Variants in PFKFB3 observed in about 807,000 individuals in gnomAD.
PFKFB3 encodes 6-phosphofructo-2-kinase/fructose-2,6-bisphosphatase 3.
In PFKFB3, 33 loss-of-function variants were observed where a neutral mutation model predicts 68.0. The observed-to-expected ratio is 0.49, with a 90% CI of 0.37 to 0.65. PFKFB3 has a LOEUF of 0.65. Ranked by LOEUF, PFKFB3 falls within the 30% of genes least tolerant of loss-of-function variation. The pLI is 0.00. For missense variants in PFKFB3, 586 were observed against 712.2 expected (o/e 0.82, Z 2.02); for synonymous variants, 315 against 288.2 (o/e 1.09, Z -0.94).
chr10:6,254,097 CTTTTT>C (rs34789693), intron 14 of PFKFB3: 565 of 329,972 alleles, frequency 1.7e-3, no homozygotes, highest in Middle Eastern at 3.0e-3. Context: ...TTTCAGATGG[CTTTTT>C]TTTTTTTTTT....
At position 6,154,841 on chromosome 10, in the gene PFKFB3, G is replaced by C. The variant is rs551760759; in HGVS notation, c.16+9828G>C. ...CGCTGGGAGCCAGGTGGCCGAGGCG[G>C]TCGAGGCCTGGGTTGTAGTGAGCTG... On this transcript the variant is annotated intron_variant, in intron 1 of 14. Transcript: ENST00000379789. The surrounding 1 kb of genome is among the most constrained non-coding windows in gnomAD (Gnocchi z 4.6). Among the ~76,000 whole-genome samples, 1 of 152,204 alleles carries C rather than the reference G, an allele frequency of 6.6e-6. No homozygotes were observed. The highest frequency in any genetic ancestry group is 1.5e-5 in the Non-Finnish European group (1 of 68,046).
At chr10:6,232,158 C>T (rs1423954067) in intron 14 of PFKFB3, among the ~76,000 whole-genome samples, 5 of 149,856 alleles carry the variant, frequency 3.3e-5, no homozygotes, top group Admixed American at 1.4e-4. Flanking sequence ...TTTTTTGAGG[C>T]GTAGGTGAAG....
intron 1 of PFKFB3, among the ~76,000 whole-genome samples, chr10:6,186,048 G>A (rs921889805): frequency 2.0e-5 from 3 of 152,126 alleles, no homozygotes; most frequent in East Asian, 1.9e-4. Flanking sequence ...GGTGACCCTG[G>A]CTGTCAGAGA....
intron 1 of PFKFB3, among the ~76,000 whole-genome samples, chr10:6,177,438 C>CTCTTTCTTTCTTTCTTTCTTTCTTTT (rs1842540545): frequency 1.2e-5 from 1 of 86,630 alleles, no homozygotes; most frequent in Admixed American, 1.5e-4. Flanking sequence ...TCTTTTCTTT[C>CTCTTTCTTTCTTTCTTTCTTTCTTTT]TCTTTCTTTC....
the PFKFB3 span, among the ~76,000 whole-genome samples, chr10:6,303,459 G>T: frequency 2.0e-5 from 3 of 151,916 alleles, no homozygotes; most frequent in African/African-American, 7.3e-5. Flanking sequence ...ACATAAGTGG[G>T]TCCAGTTTAA....
At chr10:6,203,358 C>G (rs370377112) in intron 1 of PFKFB3, 22 bp downstream of exon 1, 1 of 1,571,316 alleles carries the variant, frequency 6.4e-7, no homozygotes, top group Non-Finnish European at 8.7e-7. Flanking sequence ...TGCGCGGAGC[C>G]GGGTTGCAGG....
chr10:6,246,999 C>T (rs111672542), intron 14 of PFKFB3, among the ~76,000 whole-genome samples: 6 of 152,346 alleles, frequency 3.9e-5, no homozygotes, highest in South Asian at 2.1e-4. Flanking sequence ...TGCCCAGACC[C>T]GGACATGCAA....
At chr10:6,317,317 T>C in the PFKFB3 span, among the ~76,000 whole-genome samples, 4 of 152,316 alleles carry the variant, frequency 2.6e-5, no homozygotes, top group Admixed American at 2.0e-4. Flanking sequence ...TCCTTCCTCA[T>C]TGACTTTGGT....
chr10:6,307,330 T>TACACACACACAC, the PFKFB3 span, among the ~76,000 whole-genome samples: 3 of 99,186 alleles, frequency 3.0e-5, no homozygotes, highest in Non-Finnish European at 7.8e-5. Context: ...GCATGCGTAC[T>TACACACACACAC]ACACACACAC....
intron 14 of PFKFB3, among the ~76,000 whole-genome samples, chr10:6,232,351 C>G (rs1006590020): frequency 6.6e-6 from 1 of 152,126 alleles, no homozygotes; most frequent in Non-Finnish European, 1.5e-5. Context: ...TTAACAACAC[C>G]CCTCTGCCTG....
chr10:6,256,472 C>T (rs1322557411), downstream of PFKFB3, among the ~76,000 whole-genome samples: 1 of 152,160 alleles, frequency 6.6e-6, no homozygotes. Flanking sequence ...CAGCTGGTCC[C>T]AGGGTTGTGC....
the PFKFB3 span, chr10:6,294,056 C>A: frequency 3.9e-6 from 2 of 510,796 alleles, no homozygotes; most frequent in South Asian, 1.4e-5. Context: ...TTGTATAGTT[C>A]GTACTGGAAG....
At chr10:6,180,375 A>G (rs1393013240) in intron 1 of PFKFB3, among the ~76,000 whole-genome samples, 1 of 152,216 alleles carries the variant, frequency 6.6e-6, no homozygotes, top group African/African-American at 2.4e-5. Flanking sequence ...AAATATGAAG[A>G]AAGAAATCAT....
At chr10:6,292,143 A>G in the PFKFB3 span, among the ~76,000 whole-genome samples, 3 of 150,294 alleles carry the variant, frequency 2.0e-5, no homozygotes, top group African/African-American at 7.3e-5. Context: ...TAGTAGAGAC[A>G]GGTTTTCACC....
chr10:6,318,269 C>G, the PFKFB3 span, among the ~76,000 whole-genome samples: 1 of 152,216 alleles, frequency 6.6e-6, no homozygotes. Flanking sequence ...GCAGATGCAT[C>G]TTGGATCACT....
chr10:6,210,499 T>C lies in PFKFB3; in HGVS notation c.77-3124T>C, dbSNP rs1408900386. Reference sequence around the variant, plus strand: ...CCTCAGCCTCCCGAGTAGCTGGGACTACAGGCGCCCGCCAACATGGCCGGC... The same window carrying C: ...CCTCAGCCTCCCGAGTAGCTGGGACCACAGGCGCCCGCCAACATGGCCGGC... On this transcript the variant is annotated intron_variant, in intron 1 of 14. Coordinates refer to ENST00000379775, the MANE Select transcript of PFKFB3 (RefSeq NM_004566.4). 7.8e-5 allele frequency among the ~76,000 whole-genome samples: 9 copies of C among 115,830 alleles called. 2 individuals are homozygous for C. Among genetic ancestry groups the C allele is most frequent in the Admixed American group, 7.4e-4 (8 of 10,854 alleles). The allele number at this position is 115,830 out of a possible 152,430, so 76.0% of individuals were successfully genotyped here.
chr10:6,324,524 T>G, the PFKFB3 span, among the ~76,000 whole-genome samples: 228 of 152,210 alleles, frequency 1.5e-3, no homozygotes, highest in African/African-American at 5.3e-3. Flanking sequence ...CCTCCCGGGT[T>G]TGGGTGGTTT....
chr10:6,165,578 C>T (rs894280970), intron 1 of PFKFB3, among the ~76,000 whole-genome samples: 14 of 152,112 alleles, frequency 9.2e-5, no homozygotes, highest in African/African-American at 3.1e-4. Context: ...GTCTGGCGTT[C>T]TTTGCAGGAG....
chr10:6,305,470 C>G, the PFKFB3 span, among the ~76,000 whole-genome samples: 1 of 152,218 alleles, frequency 6.6e-6, no homozygotes, highest in South Asian at 2.1e-4. Context: ...CGTGAGCCAC[C>G]ACACCCAGCC....
Sources: allele counts gnomAD v4.1 joint callset (sites outside exome capture counted in the v4.1 genomes callset), GRCh38; gene constraint gnomAD v4.1.1; non-coding constraint Gnocchi (gnomAD v3.1); transcripts MANE v1.5; gene names NCBI Gene and HGNC (gene_info 2026-07-23, HGNC 2026-07-21).